APC2: variants seen among roughly 807,000 people sequenced by gnomAD.
APC2 encodes APC regulator of Wnt signaling pathway 2.
Under a neutral mutation model 72.5 loss-of-function variants are expected in APC2, and 41 were observed. The observed-to-expected ratio is 0.57, with a 90% CI of 0.44 to 0.73. The LOEUF is 0.73. APC2 is among the 30% of genes least tolerant of loss of function. APC2 has a pLI of 0.00. For synonymous variants in APC2, 1,898 were observed against 1,612.0 expected (o/e 1.18, Z -4.25); for missense variants, 3,729 against 3,403.4 (o/e 1.10, Z -2.38).
chr19:1,446,540 A>G (rs2083689003), upstream of APC2, among the ~76,000 whole-genome samples: 1 of 151,398 alleles, frequency 6.6e-6, no homozygotes, highest in African/African-American at 2.4e-5. This position sits in a 1 kb window ranked among gnomAD's most constrained non-coding sequence, Gnocchi z 6.1. Context: ...CGGGGATGGA[A>G]GCCCCTCTCG....
At chr19:1,455,550 T>C in intron 6 of APC2, 50 bp downstream of exon 6, 2 of 1,524,246 alleles carry the variant, frequency 1.3e-6, no homozygotes, top group East Asian at 2.3e-5. Flanking sequence ...CCTGCGCCAG[T>C]GGGCAAATCA....
In APC2 at chr19:1,468,092, C is replaced by A. The variant is rs1300773517; in HGVS notation, c.4791C>A (p.Val1597=). 13 of 1,541,920 alleles carry A rather than the reference C, an allele frequency of 8.4e-6. No homozygotes were observed. Among genetic ancestry groups the A allele is most frequent in the Non-Finnish European group, 1.1e-5 (13 of 1,153,266 alleles). Residue 1597 remains valine, a synonymous_variant, in exon 15 of 15, where the codon GTC becomes GTA. Coordinates refer to ENST00000590469, the MANE Select transcript of APC2 (RefSeq NM_005883.3). The stretch of plus-strand genomic sequence containing the variant: ...CCGAGCCCTCGGAGCCGCCGGCCGT[C>A]CATCCACGAGGCCGGGAGCCCGCGG... ...SEPEPSEPPA[V]HPRGREPAVT...
Position 1,455,402 on chromosome 19 carries a change from G to A in APC2, c.541G>A (p.Asp181Asn). 1 of 1,609,538 alleles carries A rather than the reference G, an allele frequency of 6.2e-7. No individual in the cohort carries two copies. Among genetic ancestry groups the A allele is most frequent in the South Asian group, 1.1e-5 (1 of 90,400 alleles). ...HVETQFSMQM[D>N]LIRQQLEFEA... ...TTGCCAGCAGTTCTCGATGCAGATG[G>A]ACCTGATCCGGCAGCAGCTTGAGTT... Residue 181 changes from aspartate (D) to asparagine (N), a missense_variant, in exon 6 of 15, where the codon GAC (aspartate) becomes AAC (asparagine). Transcript: ENST00000590469.
At chr19:1,461,534 C>T in intron 13 of APC2, 1 of 332,506 alleles carries the variant, frequency 3.0e-6, no homozygotes, top group Non-Finnish European at 5.6e-6. Flanking sequence ...GCCTGGGCCA[C>T]AGAGCAAGAC....
chr19:1,458,462 G>T (rs1410997025), intron 10 of APC2: 1 of 185,090 alleles, frequency 5.4e-6, no homozygotes, highest in African/African-American at 2.4e-5. Context: ...GCCGGGCGAG[G>T]CTGCTCATAC....
rs767872968 is a variant in APC2, at chr19:1,460,798, C to G, written c.1462C>G (p.Arg488Gly). 1.2e-6 allele frequency: 2 copies of G among 1,613,132 alleles called. No homozygotes were observed. The highest frequency in any genetic ancestry group is 3.3e-5 in the Admixed American group (2 of 60,004). Residue 488 changes from arginine to glycine, a missense_variant, in exon 12 of 15, where the codon CGC becomes GGC. Physicochemically the swap from Arg to Gly is moderately radical, Grantham distance 125. Coordinates refer to ENST00000590469, the MANE Select transcript of APC2 (RefSeq NM_005883.3). ...VANKATLCAR[R>G]GCMEAIVAQL... ...CCAACAGGCCACCCTGTGTGCGCGC[C>G]GCGGCTGCATGGAGGCCATCGTGGC...
In APC2 at chr19:1,467,904, C is replaced by G. The variant is rs752419369; in HGVS notation, c.4603C>G (p.Arg1535Gly). ...PTHRRTSAIP[R>G]AFTRERPQGR... is the part of the protein sequence containing the mutation. ...CCACCGGCGCACATCGGCCATCCCT[C>G]GCGCTTTTACGCGGGAGCGTCCGCA... The change falls in exon 15 of 15, where the codon CGC becomes GGC. Residue 1535 changes from arginine to glycine, a missense_variant. Physicochemically the swap from Arg to Gly is moderately radical, Grantham distance 125. Coordinates refer to ENST00000590469, the MANE Select transcript of APC2 (RefSeq NM_005883.3). 1.9e-6 allele frequency: 3 copies of G among 1,583,112 alleles called. No individual in the cohort carries two copies. Among genetic ancestry groups the G allele is most frequent in the Non-Finnish European group, 2.6e-6 (3 of 1,173,220 alleles).
rs1240565558 is a variant in APC2, at chr19:1,466,758, C to G, written c.3457C>G (p.Gln1153Glu). ...TPSSSSENYVQETPLVLSRCS... is the reference protein window; with the variant it reads ...TPSSSSENYVEETPLVLSRCS... ...GTCCAGCTCGTCGGAGAACTACGTG[C>G]AGGAGACACCGCTTGTGCTGAGCCG... Residue 1153 changes from glutamine to glutamate, a missense_variant, in exon 15 of 15, where the codon CAG (glutamine) becomes GAG (glutamate). Coordinates refer to ENST00000590469, the MANE Select transcript of APC2 (RefSeq NM_005883.3). The G allele has an allele frequency of 6.5e-7, 1 of 1,549,878 alleles. No homozygotes were observed. Among genetic ancestry groups the G allele is most frequent in the African/African-American group, 1.4e-5 (1 of 73,254 alleles).
chr19:1,458,557 G>A (rs989982727), intron 10 of APC2: 7 of 158,288 alleles, frequency 4.4e-5, no homozygotes, highest in Admixed American at 1.2e-4. Flanking sequence ...AAAATAGTGA[G>A]ACCCCATCAC....
rs980049281 is a variant in APC2, at chr19:1,456,475, G to C, written c.816+71G>C. The C allele has an allele frequency of 2.4e-5, 34 of 1,417,434 alleles. 1 individual carries two copies. Among genetic ancestry groups the C allele is most frequent in the Non-Finnish European group, 2.6e-5 (27 of 1,055,198 alleles). 87.8% of individuals were successfully genotyped at this position (1,417,434 alleles called of 1,614,324 possible). Reference sequence around the variant, plus strand: ...GAAGGGGGATCAGGTCTGCATCCTCGCCAGTGGTGGTGCCCTCCCATGCCT... The same window carrying C: ...GAAGGGGGATCAGGTCTGCATCCTCCCCAGTGGTGGTGCCCTCCCATGCCT... On this transcript the variant is annotated intron_variant, in intron 8 of 14. Transcript: ENST00000590469.
chr19:1,461,095 T>C lies in APC2; in HGVS notation c.1580T>C (p.Val527Ala). Residue 527 changes from valine to alanine, a missense_variant, in exon 13 of 15, where the codon GTG becomes GCG. By Grantham distance (64) the Val-to-Ala change is moderately conservative (BLOSUM62 0). Coordinates refer to ENST00000590469, the MANE Select transcript of APC2 (RefSeq NM_005883.3). Reference sequence around the variant, plus strand: ...AGGGCCGACATCAACAGCAAGAAGGTGCTGAGGGAGGCGGGCAGCGTGACT... The same window carrying C: ...AGGGCCGACATCAACAGCAAGAAGGCGCTGAGGGAGGCGGGCAGCGTGACT... ...SWRADINSKK[V>A]LREAGSVTAL... 2.5e-6 allele frequency: 4 copies of C among 1,613,530 alleles called. No homozygotes were observed. Among genetic ancestry groups the C allele is most frequent in the Non-Finnish European group, 3.4e-6 (4 of 1,179,994 alleles).
At chr19:1,448,804 A>C (rs1311046669), upstream of APC2, among the ~76,000 whole-genome samples, 5 of 150,990 alleles carry the variant, frequency 3.3e-5, no homozygotes, top group Admixed American at 6.6e-5. Flanking sequence ...AGAACGTGCC[A>C]CTGCACTCCA....
upstream of APC2, chr19:1,446,392 C>G (rs2083687766): frequency 1.0e-6 from 1 of 982,436 alleles, no homozygotes; most frequent in Non-Finnish European, 1.2e-6. This position sits in a 1 kb window ranked among gnomAD's most constrained non-coding sequence, Gnocchi z 6.1. Context: ...CGCGCAGGAA[C>G]GGGGCGGGGT....
intron 14 of APC2, among the ~76,000 whole-genome samples, chr19:1,463,068 G>T (rs1040063991): frequency 6.6e-6 from 1 of 152,014 alleles, no homozygotes; most frequent in African/African-American, 2.4e-5. Context: ...CTGAGGTTGG[G>T]AGTTCAAGAT....
chr19:1,456,283 C>T (rs1179321556), intron 7 of APC2, 23 bp from the exon 8 acceptor site: 3 of 1,595,818 alleles, frequency 1.9e-6, no homozygotes, highest in Non-Finnish European at 1.7e-6. Flanking sequence ...ACTGTACCCC[C>T]GACCCTGGTG....
intron 4 of APC2, among the ~76,000 whole-genome samples, 162 bp downstream of exon 4, chr19:1,453,773 G>A (rs916543808): frequency 6.6e-5 from 10 of 151,876 alleles, no homozygotes; most frequent in Admixed American, 5.9e-4. Context: ...CGCCCACCTC[G>A]GAGCTTCGTC....
chr19:1,450,407 C>A (rs1280442912), intron 1 of APC2, 69 bp downstream of exon 1: 1 of 960,834 alleles, frequency 1.0e-6, no homozygotes, highest in Non-Finnish European at 1.2e-6. Flanking sequence ...ATCCCTGGCT[C>A]TCAGCATTGC....
chr19:1,462,136 C>T lies in APC2; in HGVS notation c.1812C>T (p.Leu604=), dbSNP rs990585366. The part of the protein sequence containing the change: ...LAIIESGGGI[L]RNVSSLVATR... ...TCATCGAGAGCGGCGGCGGCATCCT[C>T]CGCAATGTGTCCAGCCTCGTCGCCA... Residue 604 remains leucine (L), a synonymous_variant, in exon 14 of 15, where the codon CTC becomes CTT. Transcript: ENST00000590469. 1.9e-6 allele frequency: 3 copies of T among 1,612,174 alleles called. No homozygotes were observed. Among genetic ancestry groups the T allele is most frequent in the Non-Finnish European group, 1.7e-6 (2 of 1,179,900 alleles).
intron 10 of APC2, among the ~76,000 whole-genome samples, chr19:1,459,669 C>T (rs1300218297): frequency 6.6e-6 from 1 of 152,182 alleles, no homozygotes; most frequent in Non-Finnish European, 1.5e-5. Flanking sequence ...TCCTCCTCTC[C>T]CTCTGACTCA....
Sources: allele counts gnomAD v4.1 joint callset (sites outside exome capture counted in the v4.1 genomes callset), GRCh38; gene constraint gnomAD v4.1.1; non-coding constraint Gnocchi (gnomAD v3.1); transcripts MANE v1.5; gene names NCBI Gene and HGNC (gene_info 2026-07-23, HGNC 2026-07-21).